The following VAV3 variants were observed in gnomAD, a reference collection of about 807,000 sequenced individuals.
VAV3 encodes vav guanine nucleotide exchange factor 3, also known as guanine nucleotide exchange factor VAV3.
A neutral mutation model predicts 131.2 loss-of-function variants in VAV3; 94 were observed. That is an observed-to-expected ratio of 0.72 (90% CI 0.61 to 0.85). The LOEUF is 0.85. Among genes scored for constraint, VAV3 ranks in the 40% least tolerant of loss-of-function variants. VAV3 has a pLI of 0.00. For synonymous variants in VAV3, 349 were observed against 342.0 expected, an observed-to-expected ratio of 1.02 and a Z score of -0.22; for missense variants, 939 against 1,002.7, an observed-to-expected ratio of 0.94 and a Z score of 0.86.
At chr1:107,650,718 C>A (rs927130721) in intron 19 of VAV3, among the ~76,000 whole-genome samples, 1 of 119,646 alleles carries the variant, frequency 8.4e-6, no homozygotes, top group African/African-American at 3.1e-5. Context: ...CCCCTCCCCC[C>A]ACCCCACAAC....
chr1:107,913,798 T>A (rs1410866207), intron 1 of VAV3, among the ~76,000 whole-genome samples: 1 of 152,180 alleles, frequency 6.6e-6, no homozygotes. Flanking sequence ...TTATTTTTTT[T>A]AATTATTATT....
chr1:107,955,726 T>C (rs2101372516), intron 1 of VAV3, among the ~76,000 whole-genome samples: 1 of 152,044 alleles, frequency 6.6e-6, no homozygotes, highest in African/African-American at 2.4e-5. Context: ...AGCATAGTCT[T>C]CAAGAAACTG....
chr1:107,695,576 T>G (rs1659695418), intron 17 of VAV3, among the ~76,000 whole-genome samples: 1 of 152,146 alleles, frequency 6.6e-6, no homozygotes, highest in South Asian at 2.1e-4. Context: ...ATTTTAGTCA[T>G]GAGACATTTG....
intron 5 of VAV3, among the ~76,000 whole-genome samples, chr1:107,772,025 C>G (rs1203277144): frequency 6.6e-6 from 1 of 152,170 alleles, no homozygotes; most frequent in Non-Finnish European, 1.5e-5. Flanking sequence ...GCGCATTCAT[C>G]AAAGCACTGT....
chr1:107,862,552 A>G (rs191763428), intron 2 of VAV3: 2 of 151,730 alleles, frequency 1.3e-5, no homozygotes, highest in African/African-American at 4.8e-5. Flanking sequence ...AAGTAAATTG[A>G]CTATTAATAT....
intron 1 of VAV3, among the ~76,000 whole-genome samples, chr1:107,952,461 C>T (rs1259454900): frequency 6.3e-5 from 3 of 47,648 alleles, no homozygotes; most frequent in Non-Finnish European, 1.2e-4. Flanking sequence ...GAACTTATAA[C>T]AAAACTTTAT....
At position 107,683,596 on chromosome 1, in the gene VAV3, G is replaced by T. The variant is rs200261032; in HGVS notation, c.1732-63C>A. The stretch of plus-strand genomic sequence containing the variant: ...GTTGGTAATTTTGCACTATTAAATT[G>T]TATTACTACTGGCACTTTGGAAAGC... On this transcript the variant is annotated intron_variant, in intron 18 of 26. Transcript: ENST00000370056. The T allele has an allele frequency of 1.6e-5, 24 of 1,518,300 alleles. No individual in the cohort carries two copies. The East Asian group carries it at 5.5e-4, about 35-fold the overall frequency. 94.1% of individuals were successfully genotyped at this position (1,518,300 alleles called of 1,614,324 possible). A position where few individuals can be genotyped will look rare whatever the true frequency, so the allele number is the denominator to read the frequency against.
At chr1:107,870,362 T>C (rs2101007850) in intron 2 of VAV3, among the ~76,000 whole-genome samples, 1 of 152,330 alleles carries the variant, frequency 6.6e-6, no homozygotes, top group South Asian at 2.1e-4. Flanking sequence ...CATTGTGGTT[T>C]TGATTTGCAT....
chr1:107,701,355 C>A (rs75251232), intron 17 of VAV3, among the ~76,000 whole-genome samples: 84,775 of 151,918 alleles, frequency 0.56, 24,679 homozygotes, highest in Non-Finnish European at 0.63. Context: ...CTGAGCTGTA[C>A]GTTGGCCCCT....
chr1:107,870,332 G>GTGGC (rs1670195966), intron 2 of VAV3, among the ~76,000 whole-genome samples: 1 of 152,062 alleles, frequency 6.6e-6, no homozygotes, highest in East Asian at 1.9e-4. Flanking sequence ...GGCCATTCTT[G>GTGGC]CAGGAGTAAG....
At chr1:107,851,011 G>A (rs1234629847) in intron 2 of VAV3, among the ~76,000 whole-genome samples, 3 of 152,056 alleles carry the variant, frequency 2.0e-5, no homozygotes, top group Non-Finnish European at 2.9e-5. Context: ...AGCAGAAAGA[G>A]CAGCAGGGGC....
intron 3 of VAV3, 109 bp from the exon 4 acceptor site, chr1:107,777,405 A>G (rs965165314): frequency 1.4e-5 from 13 of 955,852 alleles, no homozygotes; most frequent in Non-Finnish European, 1.9e-5. Context: ...TCTGCTGCCA[A>G]AATGGTCAGA....
At chr1:107,920,824 G>A (rs1019426059) in intron 1 of VAV3, among the ~76,000 whole-genome samples, 1 of 152,098 alleles carries the variant, frequency 6.6e-6, no homozygotes, top group Non-Finnish European at 1.5e-5. Context: ...TTGTGTGTGT[G>A]TATAAATGAG....
chr1:107,952,321 T>A (rs1304505591), intron 1 of VAV3, among the ~76,000 whole-genome samples: 1 of 151,462 alleles, frequency 6.6e-6, no homozygotes, highest in Non-Finnish European at 1.5e-5. Flanking sequence ...CAGTGCAGGA[T>A]GAGAAGAGGG....
At chr1:107,954,456 A>G (rs557534669) in intron 1 of VAV3, among the ~76,000 whole-genome samples, 4 of 152,088 alleles carry the variant, frequency 2.6e-5, no homozygotes, top group Admixed American at 1.3e-4. Flanking sequence ...TATACCTGTC[A>G]AAAGTCTAAC....
intron 15 of VAV3, among the ~76,000 whole-genome samples, chr1:107,714,021 C>T (rs547815965): frequency 6.6e-6 from 1 of 151,974 alleles, no homozygotes; most frequent in South Asian, 2.1e-4. Context: ...GGAGAAATTT[C>T]GAAAACAAAA....
chr1:107,875,467 G>A (rs1670451117), intron 1 of VAV3, among the ~76,000 whole-genome samples: 2 of 152,070 alleles, frequency 1.3e-5, no homozygotes, highest in Non-Finnish European at 2.9e-5. Context: ...AGCAAGCCAT[G>A]GAGAACCGTA....
chr1:107,893,752 A>G (rs1030784819), intron 1 of VAV3, among the ~76,000 whole-genome samples: 22 of 152,294 alleles, frequency 1.4e-4, no homozygotes, highest in African/African-American at 5.3e-4. Flanking sequence ...GACACAGCCA[A>G]ACTATATCAG....
chr1:107,764,249 A>G (rs1011444621), intron 9 of VAV3, among the ~76,000 whole-genome samples: 5 of 152,114 alleles, frequency 3.3e-5, no homozygotes, highest in African/African-American at 1.2e-4. Context: ...ATACATACCA[A>G]TTGTTCAGGA....
Sources: allele counts gnomAD v4.1 joint callset (sites outside exome capture counted in the v4.1 genomes callset), GRCh38; gene constraint gnomAD v4.1.1; transcripts MANE v1.5; gene names NCBI Gene and HGNC (gene_info 2026-07-23, HGNC 2026-07-21).